Variants in SCRG1 observed in about 807,000 individuals in gnomAD.
The protein encoded by SCRG1 is stimulator of chondrogenesis 1, also known as scrapie-responsive protein 1.
SCRG1 carries 3 observed loss-of-function variants against 7.7 expected under a neutral mutation model. That is an observed-to-expected ratio of 0.39 (90% CI 0.18 to 1.01). The LOEUF is 1.01. SCRG1 is among the 50% of genes least tolerant of loss of function. The pLI is 0.36. For synonymous variants in SCRG1, 46 were observed against 41.2 expected, an observed-to-expected ratio of 1.12 and a Z score of -0.44; for missense variants, 110 against 117.2, an observed-to-expected ratio of 0.94 and a Z score of 0.28.
the SCRG1 span, among the ~76,000 whole-genome samples, chr4:173,436,249 T>G: frequency 6.6e-6 from 1 of 152,208 alleles, no homozygotes; most frequent in Non-Finnish European, 1.5e-5. Context: ...GGAATCTTGT[T>G]GGCAGGAAAA....
At chr4:173,419,656 G>T in the SCRG1 span, 6 of 753,508 alleles carry the variant, frequency 8.0e-6, no homozygotes, top group Non-Finnish European at 1.4e-5. Context: ...TACTGTGAGG[G>T]TTAGACAAAC....
chr4:173,449,167 G>A, the SCRG1 span, among the ~76,000 whole-genome samples: 2 of 152,170 alleles, frequency 1.3e-5, no homozygotes, highest in Non-Finnish European at 2.9e-5. Flanking sequence ...ACACATCTCA[G>A]GGAAGCAGCT....
chr4:173,398,879 T>C (rs1221865186), intron 1 of SCRG1, among the ~76,000 whole-genome samples, 189 bp downstream of exon 1: 1 of 152,190 alleles, frequency 6.6e-6, no homozygotes, highest in African/African-American at 2.4e-5. Flanking sequence ...CTGTTCTTTT[T>C]TAATCTGATT....
the SCRG1 span, among the ~76,000 whole-genome samples, chr4:173,425,649 A>C: frequency 6.6e-6 from 1 of 152,222 alleles, no homozygotes; most frequent in East Asian, 1.9e-4. Context: ...TCTGATCAGC[A>C]TGAGGGCTGG....
the SCRG1 span, among the ~76,000 whole-genome samples, chr4:173,458,914 GAA>G: frequency 6.6e-6 from 1 of 152,062 alleles, no homozygotes; most frequent in African/African-American, 2.4e-5. Context: ...TGAACGGATG[GAA>G]AAGATTCTGC....
At chr4:173,437,770 T>C in the SCRG1 span, among the ~76,000 whole-genome samples, 1 of 152,194 alleles carries the variant, frequency 6.6e-6, no homozygotes, top group Non-Finnish European at 1.5e-5. Flanking sequence ...AATTTAGACA[T>C]AGTCCCCGCC....
chr4:173,476,364 ATAT>A, the SCRG1 span, among the ~76,000 whole-genome samples: 1 of 34,508 alleles, frequency 2.9e-5, no homozygotes, highest in Non-Finnish European at 5.9e-5. Flanking sequence ...GAAAAAAAAA[ATAT>A]ATATATATAT....
the SCRG1 span, among the ~76,000 whole-genome samples, chr4:173,472,287 T>C: frequency 6.6e-6 from 1 of 152,246 alleles, no homozygotes. Flanking sequence ...CTCCAGTATA[T>C]AACTTTACAA....
chr4:173,473,965 A>G, the SCRG1 span, among the ~76,000 whole-genome samples: 2 of 152,116 alleles, frequency 1.3e-5, no homozygotes, highest in African/African-American at 4.8e-5. Flanking sequence ...GGATGACCTG[A>G]GGTCAGGAGT....
At chr4:173,414,117 C>G in the SCRG1 span, among the ~76,000 whole-genome samples, 1 of 152,148 alleles carries the variant, frequency 6.6e-6, no homozygotes, top group Non-Finnish European at 1.5e-5. Context: ...CCTAATCACC[C>G]AGCAACACAG....
the SCRG1 span, chr4:173,419,998 G>T: frequency 1.5e-6 from 1 of 687,914 alleles, no homozygotes; most frequent in East Asian, 2.8e-5. Context: ...CCTGTATTTG[G>T]GTGTGTTGTA....
chr4:173,479,994 G>T, the SCRG1 span, among the ~76,000 whole-genome samples: 2 of 151,886 alleles, frequency 1.3e-5, no homozygotes. Context: ...TTGTGAGAGA[G>T]CCTCTCGGTC....
intron 1 of SCRG1, among the ~76,000 whole-genome samples, chr4:173,395,118 C>CT (rs1739566966): frequency 6.6e-6 from 1 of 152,114 alleles, no homozygotes; most frequent in East Asian, 1.9e-4. Flanking sequence ...CTTCAATGGC[C>CT]TTTCAGTCTA....
the SCRG1 span, among the ~76,000 whole-genome samples, chr4:173,443,199 G>A: frequency 6.6e-6 from 1 of 152,088 alleles, no homozygotes; most frequent in South Asian, 2.1e-4. Flanking sequence ...TGAGATCCAT[G>A]TAAGACATTC....
chr4:173,427,040 C>T, the SCRG1 span, among the ~76,000 whole-genome samples: 1 of 152,182 alleles, frequency 6.6e-6, no homozygotes, highest in South Asian at 2.1e-4. Flanking sequence ...AGAATTTAAT[C>T]TTCATGAGCA....
chr4:173,518,344 G>C, the SCRG1 span, among the ~76,000 whole-genome samples: 43 of 152,152 alleles, frequency 2.8e-4, no homozygotes, highest in Non-Finnish European at 8.8e-5. Context: ...AGCCTCGGTT[G>C]TCTCCAGGTA....
chr4:173,465,689 A>G, the SCRG1 span, among the ~76,000 whole-genome samples: 2 of 151,580 alleles, frequency 1.3e-5, no homozygotes, highest in Non-Finnish European at 2.9e-5. Flanking sequence ...TAGATTTTAT[A>G]TATAGATAAA....
chr4:173,445,574 T>C, the SCRG1 span, among the ~76,000 whole-genome samples: 1 of 84,744 alleles, frequency 1.2e-5, no homozygotes, highest in Non-Finnish European at 2.4e-5. Flanking sequence ...AGAGTAAGAC[T>C]CCGTCTCGGA....
At chr4:173,447,273 A>C in the SCRG1 span, among the ~76,000 whole-genome samples, 1 of 152,164 alleles carries the variant, frequency 6.6e-6, no homozygotes, top group African/African-American at 2.4e-5. Context: ...CTCTTCCCAT[A>C]ATGCCACTAA....
Sources: gnomAD v4.1 joint callset for allele counts (sites outside exome capture counted in the v4.1 genomes callset) on GRCh38, gnomAD v4.1.1 for gene constraint, MANE v1.5 for transcripts, NCBI Gene and HGNC (gene_info 2026-07-23, HGNC 2026-07-21) for gene names.